ARID1B: variants seen among roughly 807,000 people sequenced by gnomAD.
ARID1B encodes AT-rich interactive domain-containing protein 1B.
A neutral mutation model predicts 212.3 loss-of-function variants in ARID1B; 30 were observed. That is an observed-to-expected ratio of 0.14 (90% confidence interval 0.11 to 0.19). The LOEUF is 0.19. ARID1B is among the 10% of genes least tolerant of loss of function. The pLI, the probability that ARID1B is intolerant of heterozygous loss-of-function variation, is 1.00. For synonymous variants in ARID1B, 1,402 were observed against 1,301.7 expected (o/e 1.08, Z -1.66); for missense variants, 2,891 against 3,204.0 (o/e 0.90, Z 2.36).
chr6:157,055,478 C>G (rs1171518655), intron 4 of ARID1B, among the ~76,000 whole-genome samples: 1 of 152,184 alleles, frequency 6.6e-6, no homozygotes, highest in Non-Finnish European at 1.5e-5. Context: ...TTACTGCTCA[C>G]TGTAGTAACT....
Position 156,829,948 on chromosome 6 carries a change from A to G in ARID1B, c.1986+527A>G, listed in dbSNP as rs188995340. Among the ~76,000 whole-genome samples the G allele has an allele frequency of 3.0e-4, 46 of 152,032 alleles. 1 individual carries two copies. Among genetic ancestry groups the G allele is most frequent in the African/African-American group, 1.1e-3 (46 of 41,456 alleles). ...AGGTTTCTGTATTTCATATAAGAGGATTTGATGTGCATCTGTTTTGTTAGG... is the reference window on the plus strand; with the variant it reads ...AGGTTTCTGTATTTCATATAAGAGGGTTTGATGTGCATCTGTTTTGTTAGG... On this transcript the variant is annotated intron_variant, in intron 2 of 19. Transcript: ENST00000636930.
intron 4 of ARID1B, chr6:157,072,287 T>C (rs138087320): frequency 6.6e-6 from 1 of 152,198 alleles, no homozygotes; most frequent in African/African-American, 2.4e-5. Flanking sequence ...TTTTGTTTTA[T>C]TTCCTTTACA....
At chr6:156,919,523 G>A (rs1790615465) in intron 3 of ARID1B, among the ~76,000 whole-genome samples, 3 of 152,232 alleles carry the variant, frequency 2.0e-5, no homozygotes. Flanking sequence ...CAGGCCTGGA[G>A]TGTGTGGCCA....
chr6:157,159,049 G>A (rs1420922525), intron 8 of ARID1B, among the ~76,000 whole-genome samples: 1 of 152,158 alleles, frequency 6.6e-6, no homozygotes, highest in East Asian at 1.9e-4. Flanking sequence ...GTCATCCATT[G>A]CAGGGAAAAG....
rs760245781 is a variant in ARID1B, at chr6:157,200,750, C to T, written c.4525C>T (p.Arg1509Cys). Residue 1509 changes from arginine to cysteine, a missense_variant, in exon 18 of 20, where the codon CGC becomes TGC. This residue lies in a region of ARID1B where 666 missense variants were observed against 873.5 expected (regional missense o/e 0.76). Coordinates refer to ENST00000636930, the MANE Select transcript of ARID1B (RefSeq NM_001374828.1). This position sits in a 1 kb window ranked among gnomAD's most constrained non-coding sequence, Gnocchi z 4.3. ...MDGMYGPPAK[R>C]HEGDMYNMQY... ...CGGCATGTACGGGCCCCCAGCCAAG[C>T]GCCACGAGGGCGACATGTACAACAT... The T allele has an allele frequency of 1.9e-6, 3 of 1,613,130 alleles. No individual in the cohort carries two copies. Among genetic ancestry groups the T allele is most frequent in the Admixed American group, 1.7e-5 (1 of 59,812 alleles).
Position 157,206,590 on chromosome 6 carries a change from C to G in ARID1B, c.5818C>G (p.Leu1940Val), listed in dbSNP as rs968452657. The change falls in exon 20 of 20, where the codon CTG becomes GTG. Residue 1940 changes from leucine to valine, a missense_variant. Around this residue, in one of 7 missense-constraint regions of ARID1B, gnomAD observed 332 missense variants for 369.2 expected, o/e 0.90. Transcript: ENST00000636930. This position sits in a 1 kb window ranked among gnomAD's most constrained non-coding sequence, Gnocchi z 6.8. ...TGTGCAGGAGTTCAATAGTGGCCTT[C>G]TGCACTGGCAGCTCGGCGGGGGTGA... ...GRVQEFNSGL[L>V]HWQLGGGDTT... 1.2e-6 allele frequency: 2 copies of G among 1,614,068 alleles called. No homozygotes were observed. The highest frequency in any genetic ancestry group is 8.5e-7 in the Non-Finnish European group (1 of 1,180,040).
chr6:156,966,381 C>CTTTCTTTTTTTTTTTTTTT (rs1794742120), intron 4 of ARID1B, among the ~76,000 whole-genome samples: 1 of 89,436 alleles, frequency 1.1e-5, no homozygotes, highest in African/African-American at 3.8e-5. Context: ...CTTTTCTTTT[C>CTTTCTTTTTTTTTTTTTTT]TTTTCTTTTT....
chr6:156,900,742 AGATT>A (rs1439194230), intron 2 of ARID1B, among the ~76,000 whole-genome samples: 24 of 152,354 alleles, frequency 1.6e-4, no homozygotes, highest in African/African-American at 5.3e-4. Context: ...GAGATGGAGA[AGATT>A]GATTGAGGCC....
At chr6:156,925,083 A>C (rs925714461) in intron 3 of ARID1B, among the ~76,000 whole-genome samples, 1 of 152,174 alleles carries the variant, frequency 6.6e-6, no homozygotes, top group African/African-American at 2.4e-5. Flanking sequence ...TTTGAATATA[A>C]ATTAGCAGCC....
At chr6:156,829,508 A>C (rs1782995666) in intron 2 of ARID1B, 87 bp downstream of exon 2, 1 of 1,295,066 alleles carries the variant, frequency 7.7e-7, no homozygotes, top group Admixed American at 2.8e-5. Context: ...TGTTAAAGAG[A>C]ATTAGGGGGC....
intron 1 of ARID1B, among the ~76,000 whole-genome samples, chr6:156,810,302 G>A (rs1289691747): frequency 6.6e-6 from 1 of 152,118 alleles, no homozygotes; most frequent in Non-Finnish European, 1.5e-5. Flanking sequence ...ATACGTTGTG[G>A]TAGGTTCTGG....
intron 4 of ARID1B, among the ~76,000 whole-genome samples, chr6:156,952,214 A>G (rs1440975948): frequency 6.6e-6 from 1 of 152,180 alleles, no homozygotes; most frequent in Non-Finnish European, 1.5e-5. Context: ...TGGGAAGAAG[A>G]TTGCTGATCC....
At chr6:157,083,370 C>T (rs1351315852) in intron 4 of ARID1B, among the ~76,000 whole-genome samples, 2 of 152,194 alleles carry the variant, frequency 1.3e-5, no homozygotes, top group Non-Finnish European at 2.9e-5. Context: ...GCACATTGCT[C>T]GGTCAGTGAT....
Position 157,117,195 on chromosome 6 carries a change from A to G in ARID1B, c.2581+6634A>G, listed in dbSNP as rs149225821. The stretch of plus-strand genomic sequence containing the variant: ...CAAGGTTCTTTTTGCGTACTACTAC[A>G]AAAAGGTGAATCAAAATTTCTATAC... On this transcript the variant is annotated intron_variant, in intron 6 of 19. Coordinates refer to ENST00000636930, the MANE Select transcript of ARID1B (RefSeq NM_001374828.1). Among the ~76,000 whole-genome samples the G allele has an allele frequency of 5.3e-3, 801 of 152,306 alleles. 8 individuals carry two copies. The highest frequency in any genetic ancestry group is 0.018 in the African/African-American group (751 of 41,570).
chr6:156,904,697 A>G (rs942541546), intron 3 of ARID1B, among the ~76,000 whole-genome samples: 6 of 152,352 alleles, frequency 3.9e-5, no homozygotes, highest in Middle Eastern at 3.4e-3. Flanking sequence ...GAAATATGAA[A>G]TGCTCCAAAA....
At chr6:157,076,290 G>A (rs962295037) in intron 4 of ARID1B, among the ~76,000 whole-genome samples, 8 of 150,984 alleles carry the variant, frequency 5.3e-5, no homozygotes, top group Admixed American at 1.3e-4. Context: ...GTGTTTTTCT[G>A]TTAGGTTTTT....
At chr6:157,126,688 T>C (rs1299989442) in intron 6 of ARID1B, among the ~76,000 whole-genome samples, 1 of 152,230 alleles carries the variant, frequency 6.6e-6, no homozygotes, top group Non-Finnish European at 1.5e-5. Context: ...TTTAGTGCTT[T>C]GTCTAAAGTT....
intron 16 of ARID1B, among the ~76,000 whole-genome samples, chr6:157,197,724 G>C (rs182978123): frequency 8.5e-5 from 13 of 152,238 alleles, no homozygotes; most frequent in East Asian, 3.9e-4. Context: ...GTTTTTTTGG[G>C]GGGGGTAGCT....
rs796962136 is a variant in ARID1B, at chr6:157,003,970, A to G, written c.2247+68394A>G. Among the ~76,000 whole-genome samples the G allele has an allele frequency of 1.2e-4, 19 of 152,230 alleles. 2 individuals carry two copies. Among genetic ancestry groups the G allele is most frequent in the African/African-American group, 4.6e-4 (19 of 41,530 alleles). Reference sequence around the variant, plus strand: ...GACAACATGGTGAAATCCCATCTCTACAAAAAGGACAAAAATTAGCCCGGT... The same window carrying G: ...GACAACATGGTGAAATCCCATCTCTGCAAAAAGGACAAAAATTAGCCCGGT... On this transcript the variant is annotated intron_variant, in intron 4 of 19. Coordinates refer to ENST00000636930, the MANE Select transcript of ARID1B (RefSeq NM_001374828.1).
Sources: gnomAD v4.1 joint callset for allele counts (sites outside exome capture counted in the v4.1 genomes callset) on GRCh38, gnomAD v4.1.1 for gene constraint, gnomAD v4.1.1 regional missense constraint, Gnocchi (gnomAD v3.1) non-coding constraint, MANE v1.5 for transcripts, NCBI Gene and HGNC (gene_info 2026-07-23, HGNC 2026-07-21) for gene names.